Variants in PHACTR1 observed in about 807,000 individuals in gnomAD.
PHACTR1 encodes the protein RPEL repeat containing 1.
Under a neutral mutation model 69.2 loss-of-function variants are expected in PHACTR1, and 16 were observed. The ratio of observed to expected loss-of-function variants is 0.23; its 90% CI spans 0.16 to 0.35. The LOEUF is 0.35. Among genes scored for constraint, PHACTR1 ranks in the 10% least tolerant of loss-of-function variants. The pLI, the probability that PHACTR1 is intolerant of heterozygous loss-of-function variation, is 1.00. For missense variants in PHACTR1, 510 were observed against 734.7 expected (o/e 0.69, Z 3.54); for synonymous variants, 312 against 284.5 (o/e 1.10, Z -0.97).
At chr6:13,279,442 C>T (rs1279056144) in intron 12 of PHACTR1, 1 of 152,142 alleles carries the variant, frequency 6.6e-6, no homozygotes, top group Non-Finnish European at 1.5e-5. Flanking sequence ...AGTTAAGAGG[C>T]CCATTAATAT....
intron 4 of PHACTR1, among the ~76,000 whole-genome samples, chr6:12,887,849 G>T (rs1310968009): frequency 6.6e-6 from 1 of 151,858 alleles, no homozygotes; most frequent in African/African-American, 2.4e-5. Context: ...CGGGTGGATT[G>T]CCTGAGCTCA....
At chr6:13,165,699 A>G (rs2113592088) in intron 6 of PHACTR1, among the ~76,000 whole-genome samples, 1 of 152,092 alleles carries the variant, frequency 6.6e-6, no homozygotes, top group East Asian at 1.9e-4. Flanking sequence ...GGGAGGTGAT[A>G]TTTTCACAGA....
intron 10 of PHACTR1, among the ~76,000 whole-genome samples, chr6:13,262,471 G>A (rs890264706): frequency 4.6e-5 from 7 of 152,200 alleles, no homozygotes; most frequent in Non-Finnish European, 1.0e-4. Flanking sequence ...AGTCATGAGT[G>A]TTGATGAGAT....
intron 9 of PHACTR1, among the ~76,000 whole-genome samples, chr6:13,229,431 T>G (rs1313680385): frequency 9.9e-5 from 15 of 152,074 alleles, no homozygotes. Context: ...ATGCTGGGGT[T>G]GAAAAGAAAA....
chr6:12,927,613 T>A (rs4714990), intron 4 of PHACTR1, among the ~76,000 whole-genome samples: 86 of 152,144 alleles, frequency 5.7e-4, no homozygotes, highest in Middle Eastern at 3.4e-3. Context: ...TGAATCCAAG[T>A]CTGTTTAATT....
rs925842038 is a variant in PHACTR1 at position 13,193,084 on chromosome 6, G to A, written c.664+10398G>A. Among the ~76,000 whole-genome samples, 5 of 152,058 alleles carry A rather than the reference G, an allele frequency of 3.3e-5. No homozygotes were observed. In the Middle Eastern group the frequency reaches 0.01, roughly 310 times the overall value. ...TATTGGTCAAACTCATGGTCCAGCCGTAGTTCTCAGGCCGTACACTAAGAA... is the reference window on the plus strand; with the variant it reads ...TATTGGTCAAACTCATGGTCCAGCCATAGTTCTCAGGCCGTACACTAAGAA... On this transcript the variant is annotated intron_variant, in intron 7 of 14. Transcript: ENST00000332995.
intron 5 of PHACTR1, among the ~76,000 whole-genome samples, chr6:13,091,323 A>G (rs1055719033): frequency 2.6e-5 from 4 of 152,058 alleles, no homozygotes; most frequent in African/African-American, 9.7e-5. Context: ...AACTTCTACT[A>G]AAGTTGTTGA....
chr6:13,019,490 T>C (rs956128616), intron 4 of PHACTR1, among the ~76,000 whole-genome samples: 1 of 152,236 alleles, frequency 6.6e-6, no homozygotes, highest in Non-Finnish European at 1.5e-5. Context: ...AATATCTGTT[T>C]CAGGCTCAGA....
intron 5 of PHACTR1, among the ~76,000 whole-genome samples, chr6:13,122,939 G>A (rs1818951566): frequency 6.6e-6 from 1 of 151,870 alleles, no homozygotes; most frequent in Non-Finnish European, 1.5e-5. Flanking sequence ...AGTGTTTTTT[G>A]TTTCTTTCAT....
chr6:13,271,165 T>G (rs1268340640), intron 10 of PHACTR1, among the ~76,000 whole-genome samples: 1 of 152,036 alleles, frequency 6.6e-6, no homozygotes, highest in Non-Finnish European at 1.5e-5. Flanking sequence ...TGTGCCACCA[T>G]GCCCGGCTAA....
At chr6:12,796,598 C>G (rs1409992595) in intron 4 of PHACTR1, among the ~76,000 whole-genome samples, 1 of 152,148 alleles carries the variant, frequency 6.6e-6, no homozygotes, top group Non-Finnish European at 1.5e-5. Flanking sequence ...CACATATCTG[C>G]TAGGCATTGG....
chr6:12,892,518 C>T (rs2089817687), intron 4 of PHACTR1, among the ~76,000 whole-genome samples: 2 of 152,186 alleles, frequency 1.3e-5, no homozygotes. Flanking sequence ...GCAAAATCTT[C>T]AAGCGAAGGA....
At chr6:12,857,996 C>A (rs1780570608) in intron 4 of PHACTR1, among the ~76,000 whole-genome samples, 1 of 152,110 alleles carries the variant, frequency 6.6e-6, no homozygotes, top group African/African-American at 2.4e-5. Context: ...GATACCGTTC[C>A]AGGCATTTGA....
Position 12,884,759 on chromosome 6 carries a change from A to T in PHACTR1, c.250+134969A>T, listed in dbSNP as rs116323542. ...GCATCAATGCATCATTCATTCATTCATTCACTCATTAAACACCACTGAATA... is the reference window on the plus strand; with the variant it reads ...GCATCAATGCATCATTCATTCATTCTTTCACTCATTAAACACCACTGAATA... On this transcript the variant is annotated intron_variant, in intron 4 of 14. Transcript: ENST00000332995. 6.1e-3 allele frequency among the ~76,000 whole-genome samples: 924 copies of T among 152,162 alleles called. 7 individuals are homozygous for T. Among genetic ancestry groups the T allele is most frequent in the African/African-American group, 0.021 (879 of 41,476 alleles).
At chr6:12,802,329 A>G (rs975503736) in intron 4 of PHACTR1, among the ~76,000 whole-genome samples, 2 of 152,018 alleles carry the variant, frequency 1.3e-5, no homozygotes, top group Non-Finnish European at 2.9e-5. Flanking sequence ...GCAATTTACT[A>G]TAACGTAAAA....
At chr6:12,733,340 A>T (rs1436265187) in intron 3 of PHACTR1, among the ~76,000 whole-genome samples, 2 of 152,368 alleles carry the variant, frequency 1.3e-5, no homozygotes, top group East Asian at 3.9e-4. Flanking sequence ...TATAACAGAA[A>T]CTATGCATAT....
chr6:13,121,714 G>C (rs957645109), intron 5 of PHACTR1, among the ~76,000 whole-genome samples: 3 of 152,150 alleles, frequency 2.0e-5, no homozygotes, highest in African/African-American at 7.2e-5. Flanking sequence ...GGCTAGGTGG[G>C]AACAGGCAAG....
chr6:13,231,067 G>GGAAT (rs1770880985), intron 10 of PHACTR1, among the ~76,000 whole-genome samples: 1 of 14,872 alleles, frequency 6.7e-5, no homozygotes, highest in East Asian at 2.0e-3. Flanking sequence ...AAGGAAGGAA[G>GGAAT]GAAGGAAGGA....
intron 4 of PHACTR1, among the ~76,000 whole-genome samples, chr6:12,934,460 G>C (rs1052627863): frequency 1.3e-5 from 2 of 152,144 alleles, no homozygotes; most frequent in Non-Finnish European, 2.9e-5. Context: ...CTGGAGTGAT[G>C]GTTTTGAGGA....
Sources: allele counts gnomAD v4.1 joint callset (sites outside exome capture counted in the v4.1 genomes callset), GRCh38; gene constraint gnomAD v4.1.1; transcripts MANE v1.5; gene names NCBI Gene and HGNC (gene_info 2026-07-23, HGNC 2026-07-21).